The following SYNPR variants were observed in gnomAD, a reference collection of about 807,000 sequenced individuals.
The protein encoded by SYNPR is synaptoporin.
SYNPR carries 23 observed loss-of-function variants against 32.9 expected under a neutral mutation model. The observed-to-expected ratio is 0.70, with a 90% CI of 0.50 to 0.99. The LOEUF is 0.99. SYNPR is among the 50% of genes least tolerant of loss of function. The pLI, the probability that SYNPR is intolerant of heterozygous loss-of-function variation, is 0.00. For synonymous variants in SYNPR, 146 were observed against 135.9 expected, an observed-to-expected ratio of 1.07 and a Z score of -0.52; for missense variants, 318 against 349.3, an observed-to-expected ratio of 0.91 and a Z score of 0.71.
At chr3:63,555,888 G>A (rs1458554861) in intron 3 of SYNPR, among the ~76,000 whole-genome samples, 1 of 152,120 alleles carries the variant, frequency 6.6e-6, no homozygotes, top group Admixed American at 6.6e-5. Flanking sequence ...TGAGTGCTAC[G>A]AATGACATTA....
chr3:63,464,951 G>A (rs1484108741), intron 2 of SYNPR, among the ~76,000 whole-genome samples: 1 of 152,142 alleles, frequency 6.6e-6, no homozygotes. Flanking sequence ...CTTCTGCAGT[G>A]CTGGAGTTGA....
intron 4 of SYNPR, among the ~76,000 whole-genome samples, chr3:63,558,400 C>T (rs1702628144): frequency 6.6e-6 from 1 of 152,022 alleles, no homozygotes; most frequent in African/African-American, 2.4e-5. Flanking sequence ...CATGCAGTGG[C>T]GTAATCACAG....
chr3:63,405,882 A>G (rs1441773643), intron 2 of SYNPR, among the ~76,000 whole-genome samples: 1 of 152,238 alleles, frequency 6.6e-6, no homozygotes, highest in Non-Finnish European at 1.5e-5. Context: ...ATAATAACTT[A>G]GTAACAATGG....
intron 2 of SYNPR, among the ~76,000 whole-genome samples, chr3:63,313,462 T>C (rs2086991304): frequency 6.6e-6 from 1 of 151,432 alleles, no homozygotes; most frequent in African/African-American, 2.4e-5. Flanking sequence ...GAACATTCAA[T>C]GTGTGGTTTT....
At chr3:63,446,529 G>A (rs1700280061) in intron 2 of SYNPR, among the ~76,000 whole-genome samples, 1 of 151,986 alleles carries the variant, frequency 6.6e-6, no homozygotes, top group Admixed American at 6.6e-5. Context: ...GATTTTATAG[G>A]GGGAAAATGC....
At chr3:63,332,605 T>A (rs1427541245) in intron 2 of SYNPR, among the ~76,000 whole-genome samples, 1 of 152,162 alleles carries the variant, frequency 6.6e-6, no homozygotes, top group African/African-American at 2.4e-5. Flanking sequence ...TTAATAATAA[T>A]GAAACATTTA....
chr3:63,389,224 A>G (rs550778579), intron 2 of SYNPR, among the ~76,000 whole-genome samples: 1 of 152,324 alleles, frequency 6.6e-6, no homozygotes, highest in South Asian at 2.1e-4. Flanking sequence ...AATAAATAGT[A>G]TATTTGAGTG....
chr3:63,557,530 C>T (rs949552), intron 4 of SYNPR, among the ~76,000 whole-genome samples: 52,345 of 151,946 alleles, frequency 0.34, 9,495 homozygotes, highest in African/African-American at 0.44. Context: ...AATATTGGTG[C>T]TGGTGTTGAC....
chr3:63,492,060 C>A (rs1701266319), intron 3 of SYNPR, among the ~76,000 whole-genome samples: 1 of 152,006 alleles, frequency 6.6e-6, no homozygotes, highest in Admixed American at 6.6e-5. Context: ...AGTTCAGGAA[C>A]CAAGGAAGAG....
At chr3:63,550,038 T>G (rs1702474325) in intron 3 of SYNPR, 1 of 152,150 alleles carries the variant, frequency 6.6e-6, no homozygotes, top group South Asian at 2.1e-4. Context: ...GGTGGCCCCG[T>G]CAACATCCAG....
chr3:63,265,656 A>C (rs2086480021), intron 2 of SYNPR, among the ~76,000 whole-genome samples: 1 of 152,204 alleles, frequency 6.6e-6, no homozygotes, highest in Admixed American at 6.5e-5. Context: ...AAACAATATA[A>C]GGACAAGTTT....
intron 2 of SYNPR, among the ~76,000 whole-genome samples, chr3:63,475,826 G>T (rs912992922): frequency 1.3e-5 from 2 of 151,786 alleles, no homozygotes; most frequent in Admixed American, 1.3e-4. Flanking sequence ...TATCTTTTCT[G>T]TCTCTCCAAA....
chr3:63,476,790 G>A (rs1700936469), intron 2 of SYNPR, among the ~76,000 whole-genome samples: 2 of 152,078 alleles, frequency 1.3e-5, no homozygotes, highest in African/African-American at 2.4e-5. Flanking sequence ...CCCTCAAAAC[G>A]TGAAACACAA....
At chr3:63,310,465 T>C (rs1186351508) in intron 2 of SYNPR, among the ~76,000 whole-genome samples, 4 of 151,970 alleles carry the variant, frequency 2.6e-5, no homozygotes, top group Non-Finnish European at 5.9e-5. Flanking sequence ...AAATTGGAAA[T>C]CTCATACTTT....
intron 2 of SYNPR, among the ~76,000 whole-genome samples, chr3:63,359,981 C>T (rs973530109): frequency 6.6e-5 from 10 of 152,100 alleles, no homozygotes; most frequent in African/African-American, 2.2e-4. Context: ...TATCAAGAGG[C>T]GATTTATAGC....
At chr3:63,272,656 G>A (rs533936289) in intron 3 of SYNPR, among the ~76,000 whole-genome samples, 1 of 152,064 alleles carries the variant, frequency 6.6e-6, no homozygotes, top group East Asian at 1.9e-4. Flanking sequence ...AAACTCACCA[G>A]ATCACTGCAT....
At chr3:63,515,885 T>G in intron 3 of SYNPR, among the ~76,000 whole-genome samples, 1 of 152,082 alleles carries the variant, frequency 6.6e-6, no homozygotes, top group Admixed American at 6.6e-5. Flanking sequence ...TTAAATTATT[T>G]TTTTTACATT....
chr3:63,318,465 CT>C (rs1054800561), intron 2 of SYNPR, among the ~76,000 whole-genome samples: 1 of 151,626 alleles, frequency 6.6e-6, no homozygotes. Flanking sequence ...ATTCTTTTTT[CT>C]TTGTCTTTAT....
At chr3:63,390,596 C>A (rs182307683) in intron 2 of SYNPR, among the ~76,000 whole-genome samples, 82 of 152,334 alleles carry the variant, frequency 5.4e-4, no homozygotes, top group African/African-American at 1.9e-3. Flanking sequence ...CCTGGATATG[C>A]ATCCTGTTGT....
Sources: allele counts gnomAD v4.1 joint callset (sites outside exome capture counted in the v4.1 genomes callset), GRCh38; gene constraint gnomAD v4.1.1; transcripts MANE v1.5; gene names NCBI Gene and HGNC (gene_info 2026-07-23, HGNC 2026-07-21).